The following LHX4 variants were observed in gnomAD, a reference collection of about 807,000 sequenced individuals.
LHX4 encodes the protein LIM homeobox 4, also known as LIM/homeobox protein Lhx4.
LHX4 carries 16 observed loss-of-function variants against 39.2 expected under a neutral mutation model. That is an observed-to-expected ratio of 0.41 (90% confidence interval 0.28 to 0.62). LHX4 has a LOEUF of 0.62. Ranked by LOEUF, LHX4 falls within the 20% of genes least tolerant of loss-of-function variation. The pLI is 0.33. For missense variants in LHX4, 439 were observed against 511.9 expected (o/e 0.86, Z 1.37); for synonymous variants, 206 against 198.1 (o/e 1.04, Z -0.33).
intron 3 of LHX4, among the ~76,000 whole-genome samples, chr1:180,269,271 C>T (rs916919599): frequency 6.6e-6 from 1 of 152,164 alleles, no homozygotes; most frequent in Admixed American, 6.5e-5. Context: ...CCTAAATTAA[C>T]AGCCCAGGGT....
chr1:180,241,477 C>A (rs1481023424), intron 1 of LHX4, among the ~76,000 whole-genome samples: 1 of 152,164 alleles, frequency 6.6e-6, no homozygotes, highest in Non-Finnish European at 1.5e-5. Context: ...AAGGAGAGAG[C>A]TGACCACTGG....
rs1031986408 is a variant in LHX4 at position 180,275,794 on chromosome 1, A to T, written c.*1215A>T. On this transcript the variant is annotated 3_prime_UTR_variant, in exon 6 of 6. Transcript: ENST00000263726. Reference sequence around the variant, plus strand: ...CTGGATTGCTGGCTGGACACCTGCCATGCCTTGGGCTGCAGTCCCATGGTC... The same window carrying T: ...CTGGATTGCTGGCTGGACACCTGCCTTGCCTTGGGCTGCAGTCCCATGGTC... The T allele has an allele frequency of 5.9e-5, 9 of 152,402 alleles. No homozygotes were observed. Among genetic ancestry groups the T allele is most frequent in the African/African-American group, 2.2e-4 (9 of 41,582 alleles). The allele number at this position is 152,402 out of a possible 1,614,324, so 9.4% of individuals were successfully genotyped here. A position where few individuals can be genotyped will look rare whatever the true frequency, so the allele number is the denominator to read the frequency against.
chr1:180,252,949 T>C (rs929071142), intron 2 of LHX4, among the ~76,000 whole-genome samples: 1 of 151,310 alleles, frequency 6.6e-6, no homozygotes, highest in African/African-American at 2.4e-5. Flanking sequence ...TTTGCTGTTG[T>C]TTGTTGTTTT....
In LHX4 at chr1:180,248,578, T is replaced by C. The variant is rs1381467243; in HGVS notation, c.248+122T>C. Reference sequence around the variant, plus strand: ...GAGAGTCCACTCTGGGAGGGGCAGGTAAATCCTGGAGCTGAGAGGATGCCC... The same window carrying C: ...GAGAGTCCACTCTGGGAGGGGCAGGCAAATCCTGGAGCTGAGAGGATGCCC... On this transcript the variant is annotated intron_variant, in intron 2 of 5. Coordinates refer to ENST00000263726, the MANE Select transcript of LHX4 (RefSeq NM_033343.4). 3.8e-6 allele frequency: 4 copies of C among 1,043,442 alleles called. No individual in the cohort carries two copies. The African/African-American group carries it at 4.7e-5, about 12-fold the overall frequency. The allele number at this position is 1,043,442 out of a possible 1,614,324, so 64.6% of individuals were successfully genotyped here.
At chr1:180,253,904 G>C (rs184506407) in intron 2 of LHX4, among the ~76,000 whole-genome samples, 3 of 152,312 alleles carry the variant, frequency 2.0e-5, no homozygotes, top group East Asian at 1.9e-4. Context: ...CTCAGTTAGT[G>C]GGGGGTTAGC....
In LHX4 at chr1:180,278,977, T is replaced by A. The variant is rs1038829715; in HGVS notation, c.*4398T>A. On this transcript the variant is annotated 3_prime_UTR_variant, in exon 6 of 6. Coordinates refer to ENST00000263726, the MANE Select transcript of LHX4 (RefSeq NM_033343.4). ...AATTATGTAAAATAAATATGGAAAT[T>A]CTTTAGATGCTGATGTGTCTTGCTT... 17 of 152,312 alleles carry A rather than the reference T, an allele frequency of 1.1e-4. No individual in the cohort carries two copies. The highest frequency in any genetic ancestry group is 3.4e-3 in the Middle Eastern group (1 of 294). The allele number at this position is 152,312 out of a possible 1,614,324, so 9.4% of individuals were successfully genotyped here. A position where few individuals can be genotyped will look rare whatever the true frequency, so the allele number is the denominator to read the frequency against.
At chr1:180,272,909 A>AT (rs756708266) in intron 5 of LHX4, 2 of 152,206 alleles carry the variant, frequency 1.3e-5, no homozygotes, top group Non-Finnish European at 2.9e-5. Context: ...GGAAGGCATG[A>AT]TCGTTCCCAC....
intron 2 of LHX4, among the ~76,000 whole-genome samples, chr1:180,253,664 A>T (rs1647722901): frequency 6.6e-6 from 1 of 152,216 alleles, no homozygotes; most frequent in Admixed American, 6.5e-5. Context: ...AGCTCACGCT[A>T]ACCCACCGAG....
intron 1 of LHX4, among the ~76,000 whole-genome samples, chr1:180,238,667 A>G (rs1443161822): frequency 6.6e-6 from 1 of 152,122 alleles, no homozygotes; most frequent in East Asian, 1.9e-4. Context: ...GTGTTATGTG[A>G]TTATTACTAG....
At chr1:180,239,583 G>T (rs1664402559) in intron 1 of LHX4, among the ~76,000 whole-genome samples, 1 of 152,202 alleles carries the variant, frequency 6.6e-6, no homozygotes, top group Non-Finnish European at 1.5e-5. Flanking sequence ...CAGCAAAAAG[G>T]TTTTGGGCAA....
At position 180,275,205 on chromosome 1, in the gene LHX4, C is replaced by T. The variant is rs1558228247; in HGVS notation, c.*626C>T. 1 of 152,106 alleles carries T rather than the reference C, an allele frequency of 6.6e-6. No individual in the cohort carries two copies. The highest frequency in any genetic ancestry group is 2.4e-5 in the African/African-American group (1 of 41,400). The allele number at this position is 152,106 out of a possible 1,614,324, so 9.4% of individuals were successfully genotyped here. A position where few individuals can be genotyped will look rare whatever the true frequency, so the allele number is the denominator to read the frequency against. ...TTTCCTACAAACCAGAGAATATGAA[C>T]CTGTTTTGGTTTTTAAGTGTCCCAT... On this transcript the variant is annotated 3_prime_UTR_variant, in exon 6 of 6. Coordinates refer to ENST00000263726, the MANE Select transcript of LHX4 (RefSeq NM_033343.4).
chr1:180,235,168 T>C (rs1454858374), intron 1 of LHX4, among the ~76,000 whole-genome samples: 1 of 152,192 alleles, frequency 6.6e-6, no homozygotes, highest in Non-Finnish European at 1.5e-5. Context: ...AGGGACCGCC[T>C]CTCTCTCCCC....
chr1:180,245,109 C>G (rs975743283), intron 1 of LHX4, among the ~76,000 whole-genome samples: 1 of 152,210 alleles, frequency 6.6e-6, no homozygotes, highest in Non-Finnish European at 1.5e-5. Context: ...CCCCTCCTCT[C>G]CCCTGCAAGA....
rs987766363 is a variant in LHX4, at chr1:180,273,223, T to A, written c.779-962T>A. The A allele has an allele frequency of 3.3e-5, 5 of 152,434 alleles. No individual in the cohort carries two copies. The Middle Eastern group carries it at 0.017, about 518-fold the overall frequency. 9.4% of individuals were successfully genotyped at this position (152,434 alleles called of 1,614,324 possible). A position where few individuals can be genotyped will look rare whatever the true frequency, so the allele number is the denominator to read the frequency against. On this transcript the variant is annotated intron_variant, in intron 5 of 5. Coordinates refer to ENST00000263726, the MANE Select transcript of LHX4 (RefSeq NM_033343.4). Reference sequence around the variant, plus strand: ...AACAAGTTGCCTGCCAGGACAACGATGCCCTGGGAGGACTCTAGTTCAGCC... The same window carrying A: ...AACAAGTTGCCTGCCAGGACAACGAAGCCCTGGGAGGACTCTAGTTCAGCC...
At chr1:180,236,377 C>G (rs529338502) in intron 1 of LHX4, among the ~76,000 whole-genome samples, 17 of 152,154 alleles carry the variant, frequency 1.1e-4, no homozygotes, top group Non-Finnish European at 2.4e-4. Flanking sequence ...TCCCAGTTGC[C>G]TCGGATTTTA....
At chr1:180,272,152 T>G (rs1029774975) in intron 5 of LHX4, 146 bp downstream of exon 5, 10 of 708,670 alleles carry the variant, frequency 1.4e-5, no homozygotes, top group Non-Finnish European at 2.3e-5. Flanking sequence ...CAGTGAAGGG[T>G]GGGGGAAATG....
At chr1:180,272,256 T>C (rs993511975) in intron 5 of LHX4, among the ~76,000 whole-genome samples, 2 of 152,110 alleles carry the variant, frequency 1.3e-5, no homozygotes, top group South Asian at 2.1e-4. Flanking sequence ...GGCCCCAAGG[T>C]CTCCCCTCCC....
intron 2 of LHX4, among the ~76,000 whole-genome samples, chr1:180,254,302 C>T (rs1034765013): frequency 2.0e-5 from 3 of 152,210 alleles, no homozygotes; most frequent in African/African-American, 4.8e-5. Context: ...CAGAGGCTCC[C>T]GGTAGCGGGA....
rs1558207221 is a variant in LHX4, at chr1:180,234,207, AT to A, written c.76+3603del. Among the ~76,000 whole-genome samples, 922 of 64,386 alleles carry A rather than the reference AT, an allele frequency of 0.014. 23 individuals are homozygous for A. The highest frequency in any genetic ancestry group is 0.019 in the Non-Finnish European group (656 of 34,340). The allele number at this position is 64,386 out of a possible 152,430, so 42.2% of individuals were successfully genotyped here. ...TATATATATATATATATATATATAT[AT>A]ATATATATATATAATAGATTGAGAT... On this transcript the variant is annotated intron_variant, in intron 1 of 5. Transcript: ENST00000263726. The surrounding 1 kb of genome is among the most constrained non-coding windows in gnomAD (Gnocchi z 4.8).
Sources: allele counts gnomAD v4.1 joint callset (sites outside exome capture counted in the v4.1 genomes callset), GRCh38; gene constraint gnomAD v4.1.1; non-coding constraint Gnocchi (gnomAD v3.1); transcripts MANE v1.5; gene names NCBI Gene and HGNC (gene_info 2026-07-23, HGNC 2026-07-21).